The following AGBL4 variants were observed in gnomAD, a reference collection of about 807,000 sequenced individuals.
AGBL4 encodes AGBL carboxypeptidase 4, also known as cytosolic carboxypeptidase 6.
Under a neutral mutation model 66.4 loss-of-function variants are expected in AGBL4, and 58 were observed. That is an observed-to-expected ratio of 0.87 (90% CI 0.71 to 1.09). The LOEUF (loss-of-function observed/expected upper bound fraction) is 1.09, where lower values mean the gene tolerates loss of function less well. Among genes scored for constraint, AGBL4 ranks in the 50% least tolerant of loss-of-function variants. The pLI, the probability that AGBL4 is intolerant of heterozygous loss-of-function variation, is 0.00. For synonymous variants in AGBL4, 234 were observed against 222.9 expected (o/e 1.05, Z -0.44); for missense variants, 579 against 631.0 (o/e 0.92, Z 0.88).
At chr1:49,795,897 T>A (rs1265763039) in intron 2 of AGBL4, among the ~76,000 whole-genome samples, 3 of 151,828 alleles carry the variant, frequency 2.0e-5, no homozygotes, top group African/African-American at 7.3e-5. Context: ...GGATTAAACA[T>A]AAAAGCAGTG....
At chr1:49,328,639 C>A (rs185987939) in intron 3 of AGBL4, among the ~76,000 whole-genome samples, 1 of 152,276 alleles carries the variant, frequency 6.6e-6, no homozygotes, top group African/African-American at 2.4e-5. Flanking sequence ...TCTACCTGGT[C>A]ATTCTGCTAC....
intron 3 of AGBL4, among the ~76,000 whole-genome samples, chr1:49,372,330 T>C (rs1018045264): frequency 6.6e-6 from 1 of 152,176 alleles, no homozygotes; most frequent in African/African-American, 2.4e-5. Flanking sequence ...CTGGGGCTTA[T>C]TTTTCATCCA....
At chr1:48,574,730 G>A (rs1428005078) in intron 11 of AGBL4, among the ~76,000 whole-genome samples, 1 of 151,828 alleles carries the variant, frequency 6.6e-6, no homozygotes, top group Non-Finnish European at 1.5e-5. Context: ...AGCCAAGCAC[G>A]GCCACAACCC....
At chr1:49,158,121 G>A (rs1646469780) in intron 4 of AGBL4, among the ~76,000 whole-genome samples, 2 of 152,066 alleles carry the variant, frequency 1.3e-5, no homozygotes, top group South Asian at 4.2e-4. Flanking sequence ...AAACTAGCTA[G>A]CCATATGCAG....
intron 4 of AGBL4, among the ~76,000 whole-genome samples, chr1:49,239,557 T>C (rs1651048092): frequency 6.6e-6 from 1 of 152,134 alleles, no homozygotes; most frequent in Admixed American, 6.6e-5. Context: ...AAATTGTTTT[T>C]GATACAATGT....
intron 3 of AGBL4, among the ~76,000 whole-genome samples, chr1:49,531,847 AT>A: frequency 6.6e-6 from 1 of 152,246 alleles, no homozygotes; most frequent in East Asian, 1.9e-4. Flanking sequence ...AGGCTCTCAC[AT>A]TTAGAGTATA....
At chr1:49,342,106 G>T (rs1309680948) in intron 3 of AGBL4, among the ~76,000 whole-genome samples, 1 of 152,090 alleles carries the variant, frequency 6.6e-6, no homozygotes, top group East Asian at 1.9e-4. Flanking sequence ...GCCTAAGTTG[G>T]TTTGTGTTCA....
At chr1:49,536,672 A>G (rs1651611393) in intron 3 of AGBL4, among the ~76,000 whole-genome samples, 1 of 152,220 alleles carries the variant, frequency 6.6e-6, no homozygotes, top group South Asian at 2.1e-4. Context: ...GGCTATAGTA[A>G]CAAAATAGCA....
At chr1:48,531,467 A>G (rs749945188), downstream of AGBL4, among the ~76,000 whole-genome samples, 5 of 152,170 alleles carry the variant, frequency 3.3e-5, no homozygotes, top group Non-Finnish European at 5.9e-5. Context: ...TCCCAGACAG[A>G]TGTTCGTTCA....
chr1:49,442,737 G>C (rs945299308), intron 3 of AGBL4, among the ~76,000 whole-genome samples: 1 of 152,140 alleles, frequency 6.6e-6, no homozygotes, highest in Non-Finnish European at 1.5e-5. Flanking sequence ...GTATCCTTTT[G>C]ATATATTTAT....
At chr1:48,566,224 C>G (rs1283131704) in intron 11 of AGBL4, among the ~76,000 whole-genome samples, 1 of 152,196 alleles carries the variant, frequency 6.6e-6, no homozygotes, top group Non-Finnish European at 1.5e-5. Flanking sequence ...CCAATTTCTT[C>G]ACATGCTCAG....
chr1:48,695,914 GTGGACTCCACTTGACCCAC>G (rs1321128263), intron 6 of AGBL4, among the ~76,000 whole-genome samples: 6 of 151,464 alleles, frequency 4.0e-5, no homozygotes, highest in Non-Finnish European at 1.5e-5. Context: ...TTCACCAAGA[GTGGACTCCACTTGACCCAC>G]TGGCCTGCAT....
chr1:49,708,356 T>A (rs537726801), intron 2 of AGBL4, among the ~76,000 whole-genome samples: 3 of 152,064 alleles, frequency 2.0e-5, no homozygotes, highest in Admixed American at 1.3e-4. Flanking sequence ...GCTATTGATA[T>A]TTGTATAAGC....
At chr1:49,026,383 A>G (rs899021247) in intron 5 of AGBL4, among the ~76,000 whole-genome samples, 2 of 152,200 alleles carry the variant, frequency 1.3e-5, no homozygotes, top group Non-Finnish European at 2.9e-5. Context: ...GGAGCAACCA[A>G]TTTAGAAAAA....
At chr1:49,572,626 G>C (rs995567308) in intron 3 of AGBL4, among the ~76,000 whole-genome samples, 1 of 152,112 alleles carries the variant, frequency 6.6e-6, no homozygotes, top group African/African-American at 2.4e-5. Flanking sequence ...AGATTTTCTA[G>C]TTTATTTGCA....
At chr1:49,286,590 C>T (rs1230971321) in intron 3 of AGBL4, among the ~76,000 whole-genome samples, 1 of 151,980 alleles carries the variant, frequency 6.6e-6, no homozygotes, top group Admixed American at 6.6e-5. Context: ...AGAGCCAAAT[C>T]ATGAGTGAAC....
Position 49,687,782 on chromosome 1 carries a change from T to A in AGBL4, c.282+9531A>T, listed in dbSNP as rs569510541. ...AGAGTAAAAGCCTATCTAAAAAAAA[T>A]AAAAAAAAAATTAAAAAAATACAAG... On this transcript the variant is annotated intron_variant, in intron 3 of 13. Coordinates refer to ENST00000371839, the MANE Select transcript of AGBL4 (RefSeq NM_032785.4). 1.8e-3 allele frequency among the ~76,000 whole-genome samples: 270 copies of A among 148,332 alleles called. 1 individual carries two copies. Among genetic ancestry groups the A allele is most frequent in the Non-Finnish European group, 1.9e-3 (130 of 66,802 alleles).
At chr1:49,425,362 C>G (rs973251926) in intron 3 of AGBL4, among the ~76,000 whole-genome samples, 2 of 151,772 alleles carry the variant, frequency 1.3e-5, no homozygotes, top group Non-Finnish European at 2.9e-5. Flanking sequence ...AAAAGGTGGT[C>G]AAAGAATGTG....
chr1:49,079,901 T>C (rs1320060373), intron 4 of AGBL4, among the ~76,000 whole-genome samples: 3 of 152,208 alleles, frequency 2.0e-5, no homozygotes, highest in African/African-American at 7.2e-5. Flanking sequence ...TCCTGCTTTA[T>C]CAATTCCCCC....
Sources: gnomAD v4.1 joint callset for allele counts (sites outside exome capture counted in the v4.1 genomes callset) on GRCh38, gnomAD v4.1.1 for gene constraint, MANE v1.5 for transcripts, NCBI Gene and HGNC (gene_info 2026-07-23, HGNC 2026-07-21) for gene names.